MAD1L1: variants seen among roughly 807,000 people sequenced by gnomAD.
MAD1L1 encodes the protein mitotic spindle assembly checkpoint protein MAD1.
Under a neutral mutation model 96.9 loss-of-function variants are expected in MAD1L1, and 95 were observed. The ratio of observed to expected loss-of-function variants is 0.98; its 90% CI spans 0.83 to 1.16. The LOEUF (loss-of-function observed/expected upper bound fraction) is 1.16, where lower values mean the gene tolerates loss of function less well. Among genes scored for constraint, MAD1L1 ranks in the 50% most tolerant of loss-of-function variants. The pLI is 0.00. For synonymous variants in MAD1L1, 473 were observed against 396.6 expected, an observed-to-expected ratio of 1.19 and a Z score of -2.29; for missense variants, 1,007 against 954.4, an observed-to-expected ratio of 1.06 and a Z score of -0.73.
chr7:1,916,786 A>G (rs1489169609), intron 17 of MAD1L1, among the ~76,000 whole-genome samples: 1 of 152,084 alleles, frequency 6.6e-6, no homozygotes, highest in African/African-American at 2.4e-5. Context: ...GGTGGGGGCC[A>G]GGCTGGGCTC....
intron 17 of MAD1L1, among the ~76,000 whole-genome samples, chr7:1,909,089 G>A (rs1787853040): frequency 6.6e-6 from 1 of 152,216 alleles, no homozygotes; most frequent in Non-Finnish European, 1.5e-5. Flanking sequence ...GCCCAGACTC[G>A]GAGCAGCGGG....
chr7:1,937,710 T>C (rs1364203320), intron 16 of MAD1L1, among the ~76,000 whole-genome samples: 1 of 82,726 alleles, frequency 1.2e-5, no homozygotes, highest in African/African-American at 5.2e-5. Flanking sequence ...AGCAGGGAGG[T>C]GCAGGGTCAC....
chr7:2,022,182 T>C (rs1782817061), intron 12 of MAD1L1, among the ~76,000 whole-genome samples: 1 of 152,110 alleles, frequency 6.6e-6, no homozygotes, highest in South Asian at 2.1e-4. Context: ...CAGCAATGTG[T>C]GGGGTGACGA....
chr7:1,910,104 G>A (rs1015949550), intron 17 of MAD1L1, among the ~76,000 whole-genome samples: 5 of 152,058 alleles, frequency 3.3e-5, no homozygotes, highest in Non-Finnish European at 7.4e-5. Flanking sequence ...GGTGACAGGC[G>A]GGCGCGGATA....
chr7:2,068,480 G>A (rs1162282385), intron 12 of MAD1L1, among the ~76,000 whole-genome samples: 1 of 152,232 alleles, frequency 6.6e-6, no homozygotes, highest in Non-Finnish European at 1.5e-5. Context: ...GGTGCAGCAT[G>A]CATCCTGGGC....
intron 17 of MAD1L1, among the ~76,000 whole-genome samples, chr7:1,926,188 A>C (rs993038529): frequency 1.6e-4 from 24 of 152,184 alleles, no homozygotes; most frequent in Admixed American, 1.2e-3. Context: ...AATAAAAAAA[A>C]CCCCAAAACC....
intron 17 of MAD1L1, among the ~76,000 whole-genome samples, chr7:1,934,095 C>G (rs1423013557): frequency 1.3e-4 from 20 of 152,372 alleles, no homozygotes; most frequent in Non-Finnish European, 4.4e-5. Flanking sequence ...TTTGGGGGCA[C>G]AGACACGCGC....
At chr7:2,087,967 G>C (rs1198625080) in intron 11 of MAD1L1, among the ~76,000 whole-genome samples, 1 of 152,200 alleles carries the variant, frequency 6.6e-6, no homozygotes, top group African/African-American at 2.4e-5. Context: ...AAGATCCAGT[G>C]AAACTCAGCA....
chr7:2,162,937 T>C (rs1790239174), intron 10 of MAD1L1, among the ~76,000 whole-genome samples: 1 of 152,158 alleles, frequency 6.6e-6, no homozygotes, highest in Non-Finnish European at 1.5e-5. Context: ...GCTTTGTTTC[T>C]TTAAAGTGGA....
At chr7:2,149,582 G>A (rs576888155) in intron 10 of MAD1L1, among the ~76,000 whole-genome samples, 70 of 152,304 alleles carry the variant, frequency 4.6e-4, no homozygotes, top group African/African-American at 1.5e-3. Context: ...GGTGCTCAGC[G>A]AGTTTTAAGT....
At position 2,104,277 on chromosome 7, in the gene MAD1L1, T is replaced by C. The variant is rs561245392; in HGVS notation, c.1074-34939A>G. On this transcript the variant is annotated intron_variant, in intron 11 of 18. Transcript: ENST00000265854. ...GGAGGCTGCTCAGCCCGAGTGGCACTGCACAGGCTCCTGAAGGCAGATGAG... is the reference window on the plus strand; with the variant it reads ...GGAGGCTGCTCAGCCCGAGTGGCACCGCACAGGCTCCTGAAGGCAGATGAG... 4.6e-5 allele frequency among the ~76,000 whole-genome samples: 7 copies of C among 152,350 alleles called. No homozygotes were observed. In the South Asian group the frequency reaches 1.4e-3, roughly 32 times the overall value.
intron 16 of MAD1L1, among the ~76,000 whole-genome samples, chr7:1,946,935 G>C (rs1381847746): frequency 6.6e-6 from 1 of 152,246 alleles, no homozygotes; most frequent in African/African-American, 2.4e-5. Flanking sequence ...ACTGTCTACA[G>C]CCCAAGTCCT....
intron 17 of MAD1L1, among the ~76,000 whole-genome samples, chr7:1,909,250 G>T (rs1257268915): frequency 6.6e-6 from 1 of 152,154 alleles, no homozygotes; most frequent in Non-Finnish European, 1.5e-5. Context: ...CCCAGGGCTG[G>T]GGGAGCCGCC....
intron 11 of MAD1L1, among the ~76,000 whole-genome samples, chr7:2,074,168 A>G (rs1785269539): frequency 6.6e-6 from 1 of 152,176 alleles, no homozygotes; most frequent in African/African-American, 2.4e-5. Flanking sequence ...CAGAGATGGC[A>G]GCACGGAACA....
At position 1,824,724 on chromosome 7, in the gene MAD1L1, C is replaced by T. The variant is rs537566159; in HGVS notation, c.1999-8496G>A. 2.6e-5 allele frequency among the ~76,000 whole-genome samples: 4 copies of T among 152,332 alleles called. No homozygotes were observed. The South Asian group carries it at 8.3e-4, about 32-fold the overall frequency. On this transcript the variant is annotated intron_variant, in intron 18 of 18. Transcript: ENST00000265854. ...CTGTGAACCTCGCTTGTAGAATACACCTGCTCTCAAAGCCAGCGAAGGGGA... is the reference window on the plus strand; with the variant it reads ...CTGTGAACCTCGCTTGTAGAATACATCTGCTCTCAAAGCCAGCGAAGGGGA...
chr7:1,827,593 C>G (rs1402314923), intron 18 of MAD1L1, among the ~76,000 whole-genome samples: 23 of 117,260 alleles, frequency 2.0e-4, no homozygotes, highest in African/African-American at 6.8e-4. Flanking sequence ...CCCTCCTGAG[C>G]CCGTCCCGGG....
At chr7:1,844,757 G>A (rs1371243148) in intron 18 of MAD1L1, among the ~76,000 whole-genome samples, 2 of 152,342 alleles carry the variant, frequency 1.3e-5, no homozygotes, top group Middle Eastern at 3.4e-3. Flanking sequence ...GGTTGCATCC[G>A]ATCCTTCGAT....
At chr7:2,183,526 G>C (rs1423241078) in intron 10 of MAD1L1, among the ~76,000 whole-genome samples, 3 of 152,102 alleles carry the variant, frequency 2.0e-5, no homozygotes, top group Admixed American at 2.0e-4. Context: ...TGATAGACTG[G>C]ATTAAGAAAA....
At chr7:1,916,738 T>C (rs546072441) in intron 17 of MAD1L1, among the ~76,000 whole-genome samples, 1 of 152,076 alleles carries the variant, frequency 6.6e-6, no homozygotes, top group East Asian at 1.9e-4. Context: ...GCAGCTCCCC[T>C]CCCTCATGAG....
Sources: gnomAD v4.1 joint callset for allele counts (sites outside exome capture counted in the v4.1 genomes callset) on GRCh38, gnomAD v4.1.1 for gene constraint, MANE v1.5 for transcripts, NCBI Gene and HGNC (gene_info 2026-07-23, HGNC 2026-07-21) for gene names.